GBE1: variants seen among roughly 807,000 people sequenced by gnomAD.
GBE1 encodes 1,4-alpha-glucan-branching enzyme.
In GBE1, 70 loss-of-function variants were observed where a neutral mutation model predicts 88.8. That is an observed-to-expected ratio of 0.79 (90% CI 0.65 to 0.96). The LOEUF (loss-of-function observed/expected upper bound fraction) is 0.96, where lower values mean the gene tolerates loss of function less well. Among genes scored for constraint, GBE1 ranks in the 40% least tolerant of loss-of-function variants. GBE1 has a pLI of 0.00. For missense variants in GBE1, 872 were observed against 871.0 expected (o/e 1.00, Z -0.01); for synonymous variants, 284 against 300.1 (o/e 0.95, Z 0.56).
chr3:81,705,560 A>G lies in GBE1; in HGVS notation c.197T>C (p.Ile66Thr). 6.3e-7 allele frequency: 1 copy of G among 1,588,050 alleles called. No homozygotes were observed. ...LKNIGENEGG[I>T]DKFSRGYESF... The stretch of plus-strand genomic sequence containing the variant: ...TTCATAGCCTCTGGAAAACTTATCA[A>G]TACCACCTTCATTTTCTCCAATGTT... The change falls in exon 2 of 16, where the codon ATT becomes ACT. Residue 66 changes from isoleucine to threonine, a missense_variant. Ile to Thr is a moderately conservative substitution (Grantham distance 89). Transcript: ENST00000429644.
intron 7 of GBE1, among the ~76,000 whole-genome samples, chr3:81,631,555 T>A (rs897743496): frequency 6.6e-6 from 1 of 150,960 alleles, no homozygotes; most frequent in Admixed American, 6.6e-5. Context: ...GCCAACATGG[T>A]GAAACCCCGT....
intron 12 of GBE1, among the ~76,000 whole-genome samples, chr3:81,548,785 G>T (rs1467881349): frequency 6.6e-6 from 1 of 150,690 alleles, no homozygotes; most frequent in Admixed American, 6.6e-5. Context: ...AAATGTTTAT[G>T]ACTATCAAGC....
intron 14 of GBE1, among the ~76,000 whole-genome samples, chr3:81,511,867 G>GA (rs35931209): frequency 3.2e-3 from 356 of 112,470 alleles, no homozygotes; most frequent in African/African-American, 8.8e-3. Context: ...TGTCCTACAA[G>GA]AAAAAAAAAA....
At chr3:81,536,816 G>A in intron 13 of GBE1, 95 bp downstream of exon 13, 1 of 952,690 alleles carries the variant, frequency 1.0e-6, no homozygotes. Flanking sequence ...ATAAATTGCT[G>A]TTTAAAAGAT....
intron 14 of GBE1, among the ~76,000 whole-genome samples, chr3:81,504,120 T>G (rs1296874149): frequency 6.6e-6 from 1 of 152,114 alleles, no homozygotes; most frequent in African/African-American, 2.4e-5. Context: ...GAATCCTCCC[T>G]CGTGTCCCAA....
At chr3:81,536,481 A>G (rs1298961551) in intron 13 of GBE1, among the ~76,000 whole-genome samples, 1 of 151,938 alleles carries the variant, frequency 6.6e-6, no homozygotes, top group Non-Finnish European at 1.5e-5. Context: ...GACAAGTTAG[A>G]GGCCACTAAA....
intron 7 of GBE1, among the ~76,000 whole-genome samples, chr3:81,618,007 C>T (rs187142323): frequency 6.6e-6 from 1 of 151,984 alleles, no homozygotes; most frequent in African/African-American, 2.4e-5. Context: ...AGAGTTATTC[C>T]TAGTATCCTT....
At chr3:81,642,565 A>T in intron 7 of GBE1, 1 of 434,868 alleles carries the variant, frequency 2.3e-6, no homozygotes, top group Non-Finnish European at 4.0e-6. Context: ...TATATTTTAC[A>T]TGGCGTAAGA....
chr3:81,650,876 G>C (rs1201202291), intron 3 of GBE1, among the ~76,000 whole-genome samples: 1 of 152,078 alleles, frequency 6.6e-6, no homozygotes, highest in Non-Finnish European at 1.5e-5. Context: ...GGGTTTCTCT[G>C]TGTTGCCCAG....
chr3:81,711,551 G>T (rs949108875), intron 1 of GBE1, among the ~76,000 whole-genome samples: 1 of 152,076 alleles, frequency 6.6e-6, no homozygotes, highest in African/African-American at 2.4e-5. Context: ...TGTTCCATTG[G>T]TCTATATCTC....
intron 1 of GBE1, among the ~76,000 whole-genome samples, chr3:81,731,704 T>C (rs1187662455): frequency 6.6e-6 from 1 of 152,090 alleles, no homozygotes; most frequent in African/African-American, 2.4e-5. Context: ...AAGTGTGTAA[T>C]ACTTCTCCTT....
At chr3:81,695,171 G>A (rs935238497) in intron 2 of GBE1, among the ~76,000 whole-genome samples, 8 of 151,998 alleles carry the variant, frequency 5.3e-5, no homozygotes, top group African/African-American at 7.3e-5. Flanking sequence ...TCAATTTCAC[G>A]GCCACTGAAT....
At chr3:81,622,069 A>G (rs368689985) in intron 7 of GBE1, among the ~76,000 whole-genome samples, 96 of 152,282 alleles carry the variant, frequency 6.3e-4, no homozygotes, top group African/African-American at 2.2e-3. Flanking sequence ...TTTGACCTCC[A>G]TTCCAGCTAC....
chr3:81,529,263 T>C (rs7650409), intron 14 of GBE1, among the ~76,000 whole-genome samples: 14,700 of 152,028 alleles, frequency 0.097, 980 homozygotes, highest in East Asian at 0.37. Context: ...AACTTCATCT[T>C]GCCAGCATTT....
intron 10 of GBE1, among the ~76,000 whole-genome samples, chr3:81,582,250 A>T (rs1277772673): frequency 6.6e-6 from 1 of 152,150 alleles, no homozygotes; most frequent in African/African-American, 2.4e-5. Context: ...ATAGATGTTC[A>T]CAACCTAATC....
chr3:81,547,081 C>G lies in GBE1; in HGVS notation c.1619-9986G>C, dbSNP rs115657265. Among the ~76,000 whole-genome samples, 503 of 151,416 alleles carry G rather than the reference C, an allele frequency of 3.3e-3. 3 individuals are homozygous for G. Among genetic ancestry groups the G allele is most frequent in the African/African-American group, 0.012 (483 of 41,416 alleles). ...AGACCCCCAACCCAAAGGAAAATCA[C>G]CTGCATGTACCAATTGGCGAACTTT... On this transcript the variant is annotated intron_variant, in intron 12 of 15. Coordinates refer to ENST00000429644, the MANE Select transcript of GBE1 (RefSeq NM_000158.4).
intron 3 of GBE1, among the ~76,000 whole-genome samples, chr3:81,668,955 G>A (rs760238499): frequency 1.3e-5 from 2 of 152,140 alleles, no homozygotes; most frequent in Non-Finnish European, 2.9e-5. Context: ...CTTAAAGGCA[G>A]TAATTTTTAA....
rs995708164 is a variant in GBE1 at position 81,579,847 on chromosome 3, G to C, written c.1446+1318C>G. Among the ~76,000 whole-genome samples, 5 of 152,140 alleles carry C rather than the reference G, an allele frequency of 3.3e-5. No individual in the cohort carries two copies. The East Asian group carries it at 9.6e-4, about 29-fold the overall frequency. Reference sequence around the variant, plus strand: ...ATGAGTTTACTTCAGAGGTCATCAAGTTTCTCTAAGGGTGGGCCACTTTCT... The same window carrying C: ...ATGAGTTTACTTCAGAGGTCATCAACTTTCTCTAAGGGTGGGCCACTTTCT... On this transcript the variant is annotated intron_variant, in intron 11 of 15. Transcript: ENST00000429644.
At chr3:81,613,146 G>T in intron 7 of GBE1, 2 of 304,094 alleles carry the variant, frequency 6.6e-6, no homozygotes, top group South Asian at 3.4e-5. Context: ...GCAAGCTGCA[G>T]TCTTTTTTTT....
Sources: gnomAD v4.1 joint callset for allele counts (sites outside exome capture counted in the v4.1 genomes callset) on GRCh38, gnomAD v4.1.1 for gene constraint, MANE v1.5 for transcripts, NCBI Gene and HGNC (gene_info 2026-07-23, HGNC 2026-07-21) for gene names.